CFAP20DC: variants seen among roughly 807,000 people sequenced by gnomAD.
The protein encoded by CFAP20DC is protein CFAP20DC.
In CFAP20DC, 84 loss-of-function variants were observed where a neutral mutation model predicts 101.7. The ratio of observed to expected loss-of-function variants is 0.83; its 90% CI spans 0.69 to 0.99. The LOEUF is 0.99. Among genes scored for constraint, CFAP20DC ranks in the 50% least tolerant of loss-of-function variants. CFAP20DC has a pLI of 0.00. For synonymous variants in CFAP20DC, 359 were observed against 351.2 expected (o/e 1.02, Z -0.25); for missense variants, 1,007 against 970.3 (o/e 1.04, Z -0.50).
At chr3:58,816,789 C>A (rs1017115790) in intron 14 of CFAP20DC, among the ~76,000 whole-genome samples, 2 of 152,162 alleles carry the variant, frequency 1.3e-5, no homozygotes, top group Non-Finnish European at 2.9e-5. Context: ...GAGCCCACCA[C>A]AGCTCAAGGA....
At chr3:58,976,166 C>T (rs1177661494) in intron 4 of CFAP20DC, among the ~76,000 whole-genome samples, 1 of 152,186 alleles carries the variant, frequency 6.6e-6, no homozygotes, top group Admixed American at 6.5e-5. Flanking sequence ...AAGACCTATT[C>T]AACAAGGTAC....
At position 58,831,711 on chromosome 3, in the gene CFAP20DC, G is replaced by A. The variant is rs1294517022; in HGVS notation, c.2150C>T (p.Thr717Ile). ...VSISTSSDDTTTWNSCLPPPV... is the reference protein window; with the variant it reads ...VSISTSSDDTITWNSCLPPPV... ...GGGTGGCAGGCAGGAGTTCCAGGTG[G>A]TTGTGTCGTCACTGCTGGTACTTAT... The change falls in exon 14 of 17, where the codon ACC (threonine) becomes ATC (isoleucine). Residue 717 changes from threonine (T) to isoleucine (I), a missense_variant. Coordinates refer to ENST00000482387, the MANE Select transcript of CFAP20DC (RefSeq NM_001394063.1). The A allele has an allele frequency of 6.2e-7, 1 of 1,613,978 alleles. No homozygotes were observed. The highest frequency in any genetic ancestry group is 8.5e-7 in the Non-Finnish European group (1 of 1,179,952).
intron 6 of CFAP20DC, among the ~76,000 whole-genome samples, chr3:58,886,832 C>T (rs1409766442): frequency 6.6e-6 from 1 of 152,116 alleles, no homozygotes; most frequent in East Asian, 1.9e-4. Flanking sequence ...TTATTCTTCA[C>T]AATAATTTCT....
At chr3:59,021,712 G>A (rs917210717) in intron 4 of CFAP20DC, among the ~76,000 whole-genome samples, 4 of 152,170 alleles carry the variant, frequency 2.6e-5, no homozygotes, top group Middle Eastern at 3.4e-3. Flanking sequence ...ATGCACAATG[G>A]TAAGCAATCA....
intron 6 of CFAP20DC, among the ~76,000 whole-genome samples, chr3:58,895,377 A>G (rs1197365889): frequency 6.6e-6 from 1 of 152,162 alleles, no homozygotes; most frequent in Non-Finnish European, 1.5e-5. Flanking sequence ...GATACCCTAA[A>G]TCATCCCTCT....
intron 4 of CFAP20DC, among the ~76,000 whole-genome samples, chr3:58,949,194 G>C (rs1471973288): frequency 6.6e-6 from 1 of 152,004 alleles, no homozygotes; most frequent in Non-Finnish European, 1.5e-5. Context: ...TATTAGTCTT[G>C]CTAGAGGTCT....
At chr3:59,029,924 G>A (rs1219962025) in intron 4 of CFAP20DC, among the ~76,000 whole-genome samples, 4 of 152,136 alleles carry the variant, frequency 2.6e-5, no homozygotes, top group Non-Finnish European at 4.4e-5. Context: ...CTGAATGAAC[G>A]AGTAATTCCT....
At chr3:58,997,892 G>A (rs1411172075) in intron 4 of CFAP20DC, among the ~76,000 whole-genome samples, 1 of 152,108 alleles carries the variant, frequency 6.6e-6, no homozygotes, top group Non-Finnish European at 1.5e-5. Context: ...GGGTATAGGG[G>A]GGTCCAGCAA....
At chr3:58,772,658 A>G (rs2070954143) in intron 15 of CFAP20DC, among the ~76,000 whole-genome samples, 1 of 152,228 alleles carries the variant, frequency 6.6e-6, no homozygotes, top group Non-Finnish European at 1.5e-5. Flanking sequence ...CTACAGCAAC[A>G]AAGAGCTGGA....
chr3:58,946,754 T>C (rs1273839041), intron 4 of CFAP20DC, among the ~76,000 whole-genome samples: 1 of 152,078 alleles, frequency 6.6e-6, no homozygotes, highest in East Asian at 1.9e-4. Flanking sequence ...AAAGCCAAGA[T>C]TGGTTGCTGG....
chr3:59,047,749 C>T (rs901957741), intron 1 of CFAP20DC, among the ~76,000 whole-genome samples: 5 of 152,148 alleles, frequency 3.3e-5, no homozygotes, highest in Non-Finnish European at 7.3e-5. Flanking sequence ...CTTCTTGATT[C>T]TCCATCTGTA....
At chr3:58,953,245 T>C (rs1287271725) in intron 4 of CFAP20DC, among the ~76,000 whole-genome samples, 1 of 152,210 alleles carries the variant, frequency 6.6e-6, no homozygotes, top group East Asian at 1.9e-4. Context: ...ACTCCTCTGC[T>C]ATAGTGTATC....
At chr3:58,950,611 T>G (rs955976248) in intron 4 of CFAP20DC, among the ~76,000 whole-genome samples, 1 of 152,058 alleles carries the variant, frequency 6.6e-6, no homozygotes, top group African/African-American at 2.4e-5. Flanking sequence ...ACACCGCATA[T>G]CTACAACCAT....
intron 15 of CFAP20DC, among the ~76,000 whole-genome samples, chr3:58,764,679 C>G (rs1268609984): frequency 6.6e-6 from 1 of 151,936 alleles, no homozygotes; most frequent in African/African-American, 2.4e-5. Context: ...GACTATAATC[C>G]TTTTATGCCA....
At chr3:58,736,426 C>T (rs577376965) in intron 3 of CFAP20DC, among the ~76,000 whole-genome samples, 1 of 152,128 alleles carries the variant, frequency 6.6e-6, no homozygotes, top group East Asian at 1.9e-4. Flanking sequence ...GATTCTAATC[C>T]CATTATTAAT....
intron 4 of CFAP20DC, among the ~76,000 whole-genome samples, chr3:59,024,570 T>A (rs1308850122): frequency 3.9e-5 from 6 of 152,132 alleles, no homozygotes. Context: ...GTCATTTCTA[T>A]GAATCCAAAG....
At chr3:58,797,975 G>A (rs984206432) in intron 15 of CFAP20DC, among the ~76,000 whole-genome samples, 5 of 152,164 alleles carry the variant, frequency 3.3e-5, no homozygotes, top group African/African-American at 1.2e-4. Flanking sequence ...CAGAAAAAAA[G>A]AGACTCCTTT....
At position 58,849,208 on chromosome 3, in the gene CFAP20DC, A is replaced by G. The variant is rs774757500; in HGVS notation, c.1795T>C (p.Leu599=). ...GGAGAAAGGCATGTTGTAGGCAACA[A>G]ACTCATTTCAAAGTTATTTCTATCT... ...QIDRNNFEMS[L]LPTTCLSPTG... Residue 599 remains leucine (L), a synonymous_variant, in exon 13 of 17, where the codon TTG becomes CTG. Transcript: ENST00000482387. The G allele has an allele frequency of 2.3e-5, 35 of 1,536,002 alleles. No homozygotes were observed. Among genetic ancestry groups the G allele is most frequent in the Non-Finnish European group, 3.0e-5 (34 of 1,146,908 alleles).
chr3:58,770,081 G>A (rs1408785376), intron 15 of CFAP20DC, among the ~76,000 whole-genome samples: 1 of 152,084 alleles, frequency 6.6e-6, no homozygotes, highest in Admixed American at 6.5e-5. Context: ...CTTTCCCTCA[G>A]GTTAAGAAAA....
Sources: allele counts gnomAD v4.1 joint callset (sites outside exome capture counted in the v4.1 genomes callset), GRCh38; gene constraint gnomAD v4.1.1; transcripts MANE v1.5; gene names NCBI Gene and HGNC (gene_info 2026-07-23, HGNC 2026-07-21).